Variants in SLC35B2 observed in about 807,000 individuals in gnomAD.
The protein encoded by SLC35B2 is solute carrier family 35 member B2, also known as adenosine 3'-phospho 5'-phosphosulfate transporter 1.
A neutral mutation model predicts 37.9 loss-of-function variants in SLC35B2; 19 were observed. The observed-to-expected ratio is 0.50, with a 90% CI of 0.35 to 0.74. The LOEUF (loss-of-function observed/expected upper bound fraction) is 0.74. Ranked by LOEUF, SLC35B2 falls within the 30% of genes least tolerant of loss-of-function variation. SLC35B2 has a pLI of 0.01. For synonymous variants in SLC35B2, 277 were observed against 225.2 expected (o/e 1.23, Z -2.06); for missense variants, 633 against 547.6 (o/e 1.16, Z -1.56).
Position 44,255,398 on chromosome 6 carries a change from CTTCGTATTGG to C in SLC35B2, c.597_606del (p.Cys199TrpfsTer19). 1 of 1,614,218 alleles carries C rather than the reference CTTCGTATTGG, an allele frequency of 6.2e-7. No homozygotes were observed. The highest frequency in any genetic ancestry group is 8.5e-7 in the Non-Finnish European group (1 of 1,180,044). ...GTGGGGAAGCTGACGAACTTAAGAG[CTTCGTATTGG>C]CACCAGCTGCTAAGCACATTGGACA... is the stretch of plus-strand genomic sequence containing the variant. On this transcript the variant is annotated frameshift_variant, in exon 4 of 4. Transcript: ENST00000393812. LOFTEE classifies it high-confidence loss of function.
chr6:44,255,011 CCA>C lies in SLC35B2; in HGVS notation c.992_993del (p.Met331ArgfsTer5). On this transcript the variant is annotated frameshift_variant, in exon 4 of 4. Coordinates refer to ENST00000393812, the MANE Select transcript of SLC35B2 (RefSeq NM_178148.4). LOFTEE classifies it high-confidence loss of function. ...TGGGCAGCAAACTCACTGTGTCGCC[CCA>C]TGAAGCGGGTTCCCTCCAGTAGGGC... The part of the protein sequence containing the change: ...QGALLEGTRF[M>X]GRHSEFAAHA... 1.2e-6 allele frequency: 2 copies of C among 1,614,158 alleles called. No individual in the cohort carries two copies. The highest frequency in any genetic ancestry group is 1.7e-6 in the Non-Finnish European group (2 of 1,180,020).
At chr6:44,256,592 C>T (rs574895535) in intron 2 of SLC35B2, 93 bp downstream of exon 2, 9 of 1,611,182 alleles carry the variant, frequency 5.6e-6, no homozygotes, top group African/African-American at 1.3e-5. Context: ...GCCTACCGAC[C>T]TCCCGCCCTC....
chr6:44,256,355 G>A lies in SLC35B2; in HGVS notation c.347C>T (p.Ala116Val), dbSNP rs746802827. Residue 116 changes from alanine (A) to valine (V), a missense_variant, in exon 3 of 4, where the codon GCC becomes GTC. By Grantham distance (64) the Ala-to-Val change is moderately conservative. Coordinates refer to ENST00000393812, the MANE Select transcript of SLC35B2 (RefSeq NM_178148.4). ...CCACCTACCCACCTGGAGCCCTGTG[G>A]CACAGAAGAGCAGCTTCAGGGCCTG... ...MWQALKLLFCATGLQVSYLTW... is the reference protein window; with the variant it reads ...MWQALKLLFCVTGLQVSYLTW... The A allele has an allele frequency of 1.2e-6, 2 of 1,613,016 alleles. No individual in the cohort carries two copies. The highest frequency in any genetic ancestry group is 2.2e-5 in the East Asian group (1 of 44,860).
In SLC35B2 at chr6:44,256,734, AG is replaced by A. The variant is rs1239306191; in HGVS notation, c.155del (p.Pro52LeufsTer26). 1 of 1,614,066 alleles carries A rather than the reference AG, an allele frequency of 6.2e-7. No homozygotes were observed. On this transcript the variant is annotated frameshift_variant, in exon 2 of 4. Transcript: ENST00000393812. LOFTEE classifies it high-confidence loss of function. ...TGAAGTACTGCACCAGGAGGTAGCC[AG>A]GTACCATAAAGCTGGCATAGCCAGC... ...NAAGYASFMV[P>X]GYLLVQYFRR...
In SLC35B2 at chr6:44,254,495, G is replaced by C; in HGVS notation, c.*211C>G. 1.7e-6 allele frequency: 1 copy of C among 583,458 alleles called. No homozygotes were observed. Among genetic ancestry groups the C allele is most frequent in the East Asian group, 2.9e-5 (1 of 34,528 alleles). The allele number at this position is 583,458 out of a possible 1,614,324, so 36.1% of individuals were successfully genotyped here. On this transcript the variant is annotated 3_prime_UTR_variant, in exon 4 of 4. Transcript: ENST00000393812. ...TCACTGAGGACTGTCTACCCCCGGG[G>C]CTCAGAATAAACTGCTTACTGGAAG...
At chr6:44,257,377 C>A in intron 1 of SLC35B2, 23 bp downstream of exon 1, 1 of 1,321,052 alleles carries the variant, frequency 7.6e-7, no homozygotes, top group East Asian at 3.1e-5. Context: ...GTCACGTGAG[C>A]TCGCTGCTGC....
Position 44,254,724 on chromosome 6 carries a change from A to G in SLC35B2, c.1281T>C (p.Ser427=), listed in dbSNP as rs748049137. ...TCCACCCTCAAACCTTCTGCACAGG[A>G]GACTCAACAGGCACAGCCTTCTTTC... ...QRGKKAVPVE[S]PVQKV is the part of the protein sequence containing the mutation. The change falls in exon 4 of 4, where the codon TCT becomes TCC. Residue 427 remains serine, a synonymous_variant. Coordinates refer to ENST00000393812, the MANE Select transcript of SLC35B2 (RefSeq NM_178148.4). 7 of 1,612,568 alleles carry G rather than the reference A, an allele frequency of 4.3e-6. No homozygotes were observed. Among genetic ancestry groups the G allele is most frequent in the South Asian group, 3.3e-5 (3 of 91,012 alleles).
rs572455445 is a variant in SLC35B2 at position 44,257,334 on chromosome 6, T to C, written c.11+66A>G. The stretch of plus-strand genomic sequence containing the variant: ...CCGGGACCCCACCCGGCCCCCGTGC[T>C]GAGGCGCGGCAGTCACGTGGCCCGG... On this transcript the variant is annotated intron_variant, in intron 1 of 3. Transcript: ENST00000393812. The C allele has an allele frequency of 8.7e-4, 1,145 of 1,322,332 alleles. 6 individuals carry two copies. The African/African-American group carries it at 0.016, about 18-fold the overall frequency. 81.9% of individuals were successfully genotyped at this position (1,322,332 alleles called of 1,614,324 possible).
Position 44,255,305 on chromosome 6 carries a change from T to C in SLC35B2, c.700A>G (p.Ser234Gly), listed in dbSNP as rs1313612337. ...MLMGKLVSRR[S>G]YEHWEYLTAT... ...GTCAGGTACTCCCAGTGTTCGTAGC[T>C]GCGCCGAGACACAAGCTTTCCCATC... Residue 234 changes from serine to glycine, a missense_variant, in exon 4 of 4, where the codon AGC becomes GGC. Physicochemically the swap from Ser to Gly is moderately conservative, Grantham distance 56. Transcript: ENST00000393812. The C allele has an allele frequency of 3.1e-6, 5 of 1,614,118 alleles. No homozygotes were observed.
rs977362349 is a variant in SLC35B2 at position 44,257,522 on chromosome 6, C to G, written c.-112G>C. ...GAGCGGCCAGCGAGCCAGCGGCCAGCGGAAGTGCCGCGCTCTTCCCGCCTC... is the reference window on the plus strand; with the variant it reads ...GAGCGGCCAGCGAGCCAGCGGCCAGGGGAAGTGCCGCGCTCTTCCCGCCTC... On this transcript the variant is annotated 5_prime_UTR_variant, in exon 1 of 4. Coordinates refer to ENST00000393812, the MANE Select transcript of SLC35B2 (RefSeq NM_178148.4). 44 of 1,057,308 alleles carry G rather than the reference C, an allele frequency of 4.2e-5. No individual in the cohort carries two copies. Among genetic ancestry groups the G allele is most frequent in the Non-Finnish European group, 5.2e-5 (43 of 829,304 alleles). 65.5% of individuals were successfully genotyped at this position (1,057,308 alleles called of 1,614,324 possible). A position where few individuals can be genotyped will look rare whatever the true frequency, so the allele number is the denominator to read the frequency against.
At chr6:44,257,077 T>C in intron 1 of SLC35B2, 199 bp from the exon 2 acceptor site, 1 of 641,866 alleles carries the variant, frequency 1.6e-6, no homozygotes, top group Non-Finnish European at 2.5e-6. Context: ...GCTTCCTCCC[T>C]CCCCGGGGGC....
Position 44,254,286 on chromosome 6 carries a change from G to T in SLC35B2, c.*420C>A. ...CACAGCACCATCTTCACCCTCCTGG[G>T]AAAGCAGCATTGGAGCCTACACCGC... On this transcript the variant is annotated 3_prime_UTR_variant, in exon 4 of 4. Transcript: ENST00000393812. 5.0e-6 allele frequency: 1 copy of T among 201,816 alleles called. No homozygotes were observed. Among genetic ancestry groups the T allele is most frequent in the Non-Finnish European group, 1.0e-5 (1 of 96,770 alleles). 12.5% of individuals were successfully genotyped at this position (201,816 alleles called of 1,614,324 possible). A position where few individuals can be genotyped will look rare whatever the true frequency, so the allele number is the denominator to read the frequency against.
chr6:44,256,551 C>T, intron 2 of SLC35B2, 55 bp from the exon 3 acceptor site: 3 of 1,613,474 alleles, frequency 1.9e-6, no homozygotes, highest in Non-Finnish European at 8.5e-7. Flanking sequence ...ACTTCATCTT[C>T]CCCAGAGCAG....
At chr6:44,257,556 C>T (rs1781708161), upstream of SLC35B2, 1 of 734,812 alleles carries the variant, frequency 1.4e-6, no homozygotes, top group East Asian at 4.5e-5. Flanking sequence ...TCCCTCCCCG[C>T]GGCCCCCTCC....
intron 1 of SLC35B2, 92 bp downstream of exon 1, chr6:44,257,308 G>T: frequency 7.8e-7 from 1 of 1,278,626 alleles, no homozygotes; most frequent in Non-Finnish European, 1.0e-6. Flanking sequence ...CGGCCGAGCA[G>T]CCGGGACCCC....
At position 44,256,489 on chromosome 6, in the gene SLC35B2, G is replaced by A. The variant is rs1781518109; in HGVS notation, c.213C>T (p.Gly71=). Reference sequence around the variant, plus strand: ...AAGCTTTCACCAGGGGAAAGCAGAGGCCCCTACCTGAAGAAAGCACACAAA... The same window carrying A: ...AAGCTTTCACCAGGGGAAAGCAGAGACCCCTACCTGAAGAAAGCACACAAA... The part of the protein sequence containing the change: ...RRKNYLETGR[G]LCFPLVKACV... The change falls in exon 3 of 4, where the codon GGC becomes GGT. Residue 71 remains glycine (G), a synonymous_variant. Coordinates refer to ENST00000393812, the MANE Select transcript of SLC35B2 (RefSeq NM_178148.4). 1 of 1,614,146 alleles carries A rather than the reference G, an allele frequency of 6.2e-7. No homozygotes were observed. Among genetic ancestry groups the A allele is most frequent in the East Asian group, 2.2e-5 (1 of 44,886 alleles).
chr6:44,255,389 A>G lies in SLC35B2; in HGVS notation c.616T>C (p.Phe206Leu). ...AGCACCTGGGTGGGGAAGCTGACGA[A>G]CTTAAGAGCTTCGTATTGGCACCAG... ...SSWCQYEALKFVSFPTQVLAK... is the reference protein window; with the variant it reads ...SSWCQYEALKLVSFPTQVLAK... Residue 206 changes from phenylalanine to leucine, a missense_variant, in exon 4 of 4, where the codon TTC (phenylalanine) becomes CTC (leucine). Coordinates refer to ENST00000393812, the MANE Select transcript of SLC35B2 (RefSeq NM_178148.4). The G allele has an allele frequency of 6.2e-7, 1 of 1,614,190 alleles. No individual in the cohort carries two copies. Among genetic ancestry groups the G allele is most frequent in the Non-Finnish European group, 8.5e-7 (1 of 1,180,026 alleles).
Position 44,254,938 on chromosome 6 carries a change from A to T in SLC35B2, c.1067T>A (p.Phe356Tyr). 2 of 1,614,172 alleles carry T rather than the reference A, an allele frequency of 1.2e-6. No individual in the cohort carries two copies. Among genetic ancestry groups the T allele is most frequent in the Non-Finnish European group, 1.7e-6 (2 of 1,180,030 alleles). Residue 356 changes from phenylalanine to tyrosine, a missense_variant, in exon 4 of 4, where the codon TTT becomes TAT. Phe to Tyr is a conservative substitution (Grantham distance 22). Coordinates refer to ENST00000393812, the MANE Select transcript of SLC35B2 (RefSeq NM_178148.4). The stretch of plus-strand genomic sequence containing the variant: ...AGCCCCAAACTGCCCAATGGTGTAA[A>T]AGATGAAGAGCTGGCCACATGCGGA... ...ICSACGQLFI[F>Y]YTIGQFGAAV...
rs1875324 is a variant in SLC35B2, at chr6:44,255,273, G to C, written c.732C>G (p.Thr244=). The stretch of plus-strand genomic sequence containing the variant: ...ACATGCTGACCCCAATGGAGATGAG[G>C]GTGGCTGTCAGGTACTCCCAGTGTT... ...SYEHWEYLTA[T]LISIGVSMFL... Residue 244 remains threonine (T), a synonymous_variant, in exon 4 of 4, where the codon ACC becomes ACG. Transcript: ENST00000393812. The C allele has an allele frequency of 6.2e-7, 1 of 1,614,092 alleles. No homozygotes were observed. Among genetic ancestry groups the C allele is most frequent in the Non-Finnish European group, 8.5e-7 (1 of 1,179,992 alleles).
Sources: allele counts gnomAD v4.1 joint callset, GRCh38; gene constraint gnomAD v4.1.1; transcripts MANE v1.5; gene names NCBI Gene and HGNC (gene_info 2026-07-23, HGNC 2026-07-21).